Variants in RAB7A observed in about 807,000 individuals in gnomAD.
RAB7A encodes the protein ras-related protein Rab-7a.
A neutral mutation model predicts 24.5 loss-of-function variants in RAB7A; 2 were observed. The observed-to-expected ratio is 0.08, with a 90% CI of 0.03 to 0.26. The LOEUF (loss-of-function observed/expected upper bound fraction) is 0.26. Among genes scored for constraint, RAB7A ranks in the 10% least tolerant of loss-of-function variants. The probability of loss-of-function intolerance (pLI) is 1.00; values close to 1 mark genes in which losing one functional copy is unlikely to be tolerated. For missense variants in RAB7A, 118 were observed against 255.7 expected (o/e 0.46, Z 3.67); for synonymous variants, 100 against 95.9 (o/e 1.04, Z -0.25).
At chr3:128,769,701 A>T (rs2070866212) in intron 1 of RAB7A, among the ~76,000 whole-genome samples, 1 of 152,220 alleles carries the variant, frequency 6.6e-6, no homozygotes, top group African/African-American at 2.4e-5. Flanking sequence ...ACAAAATTAC[A>T]ACACATTTAA....
chr3:128,779,407 C>CAA (rs756122746), intron 1 of RAB7A, among the ~76,000 whole-genome samples: 10 of 121,348 alleles, frequency 8.2e-5, no homozygotes, highest in Non-Finnish European at 1.4e-4. Context: ...GACTGTGTCT[C>CAA]AAAAAAAAAA....
At chr3:128,770,726 T>G (rs2070876939) in intron 1 of RAB7A, among the ~76,000 whole-genome samples, 1 of 152,186 alleles carries the variant, frequency 6.6e-6, no homozygotes, top group Admixed American at 6.5e-5. Flanking sequence ...GTTTCGTTCT[T>G]TCTGCTGTCA....
intron 1 of RAB7A, among the ~76,000 whole-genome samples, chr3:128,734,621 G>A (rs1453302256): frequency 1.3e-5 from 2 of 152,262 alleles, no homozygotes; most frequent in South Asian, 4.2e-4. Flanking sequence ...TCTGTGGGGT[G>A]TAGATCTAAC....
At chr3:128,727,892 T>C (rs1044346175) in intron 1 of RAB7A, among the ~76,000 whole-genome samples, 1 of 152,214 alleles carries the variant, frequency 6.6e-6, no homozygotes, top group Non-Finnish European at 1.5e-5. Flanking sequence ...GGAGTACTTC[T>C]TCTGAAGAAG....
intron 1 of RAB7A, among the ~76,000 whole-genome samples, chr3:128,745,987 A>G (rs1576273475): frequency 6.6e-6 from 1 of 152,232 alleles, no homozygotes; most frequent in Non-Finnish European, 1.5e-5. Flanking sequence ...CTGACCTGCC[A>G]TGCTGTATTG....
At chr3:128,790,187 T>C (rs574858277) in intron 1 of RAB7A, among the ~76,000 whole-genome samples, 1 of 152,340 alleles carries the variant, frequency 6.6e-6, no homozygotes, top group African/African-American at 2.4e-5. Flanking sequence ...TTTAAAGCCA[T>C]CAATGTCCTG....
intron 2 of RAB7A, among the ~76,000 whole-genome samples, chr3:128,796,574 GCTT>G (rs1176575898): frequency 6.6e-6 from 1 of 152,178 alleles, no homozygotes; most frequent in Non-Finnish European, 1.5e-5. Context: ...ATGCAGGTAT[GCTT>G]CTTTATTCCA....
At chr3:128,807,086 A>G (rs1933819400) in intron 4 of RAB7A, among the ~76,000 whole-genome samples, 1 of 152,164 alleles carries the variant, frequency 6.6e-6, no homozygotes, top group Non-Finnish European at 1.5e-5. Flanking sequence ...TTGGCTGAAA[A>G]TGGGCTAGGG....
chr3:128,781,764 A>G (rs961879364), intron 1 of RAB7A, among the ~76,000 whole-genome samples: 1 of 152,054 alleles, frequency 6.6e-6, no homozygotes. Flanking sequence ...CTGTAATCCC[A>G]GCACTTTGGG....
At chr3:128,743,149 A>C (rs2107587153) in intron 1 of RAB7A, among the ~76,000 whole-genome samples, 1 of 152,258 alleles carries the variant, frequency 6.6e-6, no homozygotes, top group South Asian at 2.1e-4. Context: ...TGCCCCCTCC[A>C]CATCTGCTGG....
intron 1 of RAB7A, among the ~76,000 whole-genome samples, chr3:128,768,969 CTTTTTTTTTTTTTTTTTTTT>C (rs35457218): frequency 1.4e-5 from 1 of 72,608 alleles, no homozygotes; most frequent in Non-Finnish European, 2.4e-5. Context: ...TCTTTCTTTC[CTTTTTTTTTTTTTTTTTTTT>C]TTTTTTAAGG....
chr3:128,784,367 G>A (rs563228833), intron 1 of RAB7A, among the ~76,000 whole-genome samples: 1 of 152,192 alleles, frequency 6.6e-6, no homozygotes, highest in African/African-American at 2.4e-5. Context: ...ATCACTAGAT[G>A]CCATCCACCT....
At chr3:128,768,090 C>T (rs1467922555) in intron 1 of RAB7A, among the ~76,000 whole-genome samples, 1 of 152,164 alleles carries the variant, frequency 6.6e-6, no homozygotes, top group African/African-American at 2.4e-5. Flanking sequence ...TACTGCCCTT[C>T]CTTACCCCTC....
At chr3:128,738,067 C>T (rs1184622572) in intron 1 of RAB7A, among the ~76,000 whole-genome samples, 1 of 151,418 alleles carries the variant, frequency 6.6e-6, no homozygotes, top group Non-Finnish European at 1.5e-5. Flanking sequence ...CAAGGTCTCA[C>T]TGTTGCCCAG....
intron 1 of RAB7A, among the ~76,000 whole-genome samples, chr3:128,763,788 A>G (rs2070798226): frequency 6.6e-6 from 1 of 152,056 alleles, no homozygotes; most frequent in South Asian, 2.1e-4. Context: ...TCCCTTCATT[A>G]AAGATTGCAA....
At chr3:128,805,432 GC>G in intron 3 of RAB7A, among the ~76,000 whole-genome samples, 1 of 152,206 alleles carries the variant, frequency 6.6e-6, no homozygotes, top group East Asian at 1.9e-4. Context: ...CGGATCTAGG[GC>G]AGTAAGTATA....
At chr3:128,808,973 C>G (rs1239932688) in intron 5 of RAB7A, among the ~76,000 whole-genome samples, 1 of 152,122 alleles carries the variant, frequency 6.6e-6, no homozygotes, top group African/African-American at 2.4e-5. Context: ...ACCCAGAATG[C>G]CAGGAGAGCC....
At chr3:128,755,597 C>G (rs73198816) in intron 1 of RAB7A, among the ~76,000 whole-genome samples, 1 of 152,236 alleles carries the variant, frequency 6.6e-6, no homozygotes, top group East Asian at 1.9e-4. Flanking sequence ...TGACTAGGCC[C>G]GAGATGAGAA....
intron 3 of RAB7A, among the ~76,000 whole-genome samples, chr3:128,803,752 A>C (rs558199964): frequency 6.6e-6 from 1 of 152,320 alleles, no homozygotes; most frequent in Admixed American, 6.5e-5. Context: ...AAAAAGCTGT[A>C]CAGGATGATA....
Sources: allele counts gnomAD v4.1 joint callset (sites outside exome capture counted in the v4.1 genomes callset), GRCh38; gene constraint gnomAD v4.1.1; transcripts MANE v1.5; gene names NCBI Gene and HGNC (gene_info 2026-07-23, HGNC 2026-07-21).